Variants in SLC35F3 observed in about 807,000 individuals in gnomAD.
SLC35F3 encodes the protein putative thiamine transporter SLC35F3.
A neutral mutation model predicts 49.9 loss-of-function variants in SLC35F3; 25 were observed. The observed-to-expected ratio is 0.50, with a 90% CI of 0.37 to 0.70. The LOEUF is 0.70. Among genes scored for constraint, SLC35F3 ranks in the 30% least tolerant of loss-of-function variants. The pLI is 0.00. For synonymous variants in SLC35F3, 275 were observed against 265.4 expected, an observed-to-expected ratio of 1.04 and a Z score of -0.35; for missense variants, 525 against 639.8, an observed-to-expected ratio of 0.82 and a Z score of 1.94.
chr1:234,298,998 G>A (rs1156262090), intron 3 of SLC35F3, among the ~76,000 whole-genome samples: 1 of 152,152 alleles, frequency 6.6e-6, no homozygotes, highest in East Asian at 1.9e-4. Context: ...GTGTGTCATA[G>A]AAGCCAAACA....
intron 2 of SLC35F3, among the ~76,000 whole-genome samples, chr1:234,119,060 C>G (rs1404210355): frequency 1.3e-5 from 2 of 152,054 alleles, no homozygotes; most frequent in African/African-American, 4.8e-5. Flanking sequence ...AGTTTCTGCT[C>G]AGACAAGGCA....
At chr1:234,262,075 C>A (rs1272061470) in intron 3 of SLC35F3, among the ~76,000 whole-genome samples, 2 of 152,176 alleles carry the variant, frequency 1.3e-5, no homozygotes, top group Non-Finnish European at 2.9e-5. Flanking sequence ...TGAGCACTTA[C>A]AATGTGCCAT....
At chr1:233,928,445 T>G (rs940341094) in intron 2 of SLC35F3, among the ~76,000 whole-genome samples, 6 of 152,180 alleles carry the variant, frequency 3.9e-5, no homozygotes, top group Non-Finnish European at 5.9e-5. Context: ...GTGATTAAGA[T>G]GATGGACTTA....
chr1:234,056,316 CA>C (rs1311888191), intron 2 of SLC35F3, among the ~76,000 whole-genome samples: 1 of 151,956 alleles, frequency 6.6e-6, no homozygotes, highest in Non-Finnish European at 1.5e-5. Flanking sequence ...ACAGTGACAT[CA>C]ATTTATTTTT....
At chr1:234,043,462 A>G (rs1664251191) in intron 2 of SLC35F3, among the ~76,000 whole-genome samples, 2 of 152,208 alleles carry the variant, frequency 1.3e-5, no homozygotes, top group South Asian at 2.1e-4. Context: ...GTTAAAGAAG[A>G]GTAGCATTGT....
chr1:234,191,794 CA>C (rs1666734111), intron 2 of SLC35F3, among the ~76,000 whole-genome samples: 1 of 151,992 alleles, frequency 6.6e-6, no homozygotes, highest in African/African-American at 2.4e-5. Context: ...CACAGAAATA[CA>C]AAAGATCATT....
chr1:234,143,766 G>C (rs1029049214), intron 2 of SLC35F3, among the ~76,000 whole-genome samples: 4 of 152,162 alleles, frequency 2.6e-5, no homozygotes, highest in Non-Finnish European at 5.9e-5. Flanking sequence ...ATCATGTATT[G>C]ATAAACATTT....
intron 2 of SLC35F3, among the ~76,000 whole-genome samples, chr1:234,118,761 C>T (rs1272587249): frequency 1.3e-5 from 2 of 152,100 alleles, no homozygotes; most frequent in Non-Finnish European, 2.9e-5. Context: ...CAAGGTCACA[C>T]GCTGATATTC....
intron 2 of SLC35F3, among the ~76,000 whole-genome samples, chr1:234,049,083 T>G (rs1378578323): frequency 6.6e-6 from 1 of 152,178 alleles, no homozygotes; most frequent in Non-Finnish European, 1.5e-5. Context: ...GGCTTTAGAC[T>G]TTAGAGTTGA....
At chr1:234,045,197 C>T (rs959701348) in intron 2 of SLC35F3, among the ~76,000 whole-genome samples, 7 of 152,112 alleles carry the variant, frequency 4.6e-5, no homozygotes, top group African/African-American at 1.7e-4. Context: ...AACCCATGTA[C>T]TAAAAGGTGT....
At chr1:234,197,552 G>T (rs539155129) in intron 2 of SLC35F3, among the ~76,000 whole-genome samples, 2 of 152,168 alleles carry the variant, frequency 1.3e-5, no homozygotes, top group Admixed American at 6.6e-5. Flanking sequence ...AATGACTAAC[G>T]GGAGGATGAA....
rs565352196 is a variant in SLC35F3, at chr1:233,919,344, C to T, written c.283+13586C>T. The stretch of plus-strand genomic sequence containing the variant: ...AGAACTGTGCCTAGGACAGAGTCCA[C>T]CTTGGTTGCAACCCCCCAACCTCTG... On this transcript the variant is annotated intron_variant, in intron 2 of 7. Coordinates refer to ENST00000366618, the MANE Select transcript of SLC35F3 (RefSeq NM_173508.4). Among the ~76,000 whole-genome samples, 6 of 152,302 alleles carry T rather than the reference C, an allele frequency of 3.9e-5. 1 individual carries two copies. In the South Asian group the frequency reaches 1.2e-3, roughly 32 times the overall value.
At chr1:233,992,934 GCTCCCAAAAATCAT>G (rs1418518441) in intron 2 of SLC35F3, among the ~76,000 whole-genome samples, 1 of 152,186 alleles carries the variant, frequency 6.6e-6, no homozygotes, top group African/African-American at 2.4e-5. Context: ...CCCTGTGGCA[GCTCCCAAAAATCAT>G]CTCCCACAAA....
At chr1:234,309,741 T>C (rs1657301725) in intron 4 of SLC35F3, among the ~76,000 whole-genome samples, 1 of 152,210 alleles carries the variant, frequency 6.6e-6, no homozygotes, top group African/African-American at 2.4e-5. Context: ...GGTGAGGATG[T>C]GCGTGAAACC....
chr1:234,025,993 T>C (rs945639453), intron 2 of SLC35F3, among the ~76,000 whole-genome samples: 5 of 152,188 alleles, frequency 3.3e-5, no homozygotes, highest in Non-Finnish European at 5.9e-5. Flanking sequence ...TGAAAGGTAG[T>C]GGTCCACTTT....
chr1:234,115,075 G>T (rs1413285789), intron 2 of SLC35F3, among the ~76,000 whole-genome samples: 1 of 152,178 alleles, frequency 6.6e-6, no homozygotes, highest in Non-Finnish European at 1.5e-5. Context: ...TTGGGTTTCT[G>T]TTCCTCCAAG....
chr1:234,034,169 T>C (rs965040961), intron 2 of SLC35F3, among the ~76,000 whole-genome samples: 4 of 152,250 alleles, frequency 2.6e-5, no homozygotes, highest in Non-Finnish European at 5.9e-5. Flanking sequence ...TCGCTGTTGA[T>C]GTTTAGCAGT....
intron 2 of SLC35F3, among the ~76,000 whole-genome samples, chr1:234,076,500 C>T (rs967645877): frequency 6.0e-5 from 9 of 150,650 alleles, no homozygotes; most frequent in African/African-American, 1.2e-4. Context: ...CTCACTCTGT[C>T]GCCCAGGCTG....
rs569789779 is a variant in SLC35F3 at position 234,033,036 on chromosome 1, T to A, written c.283+127278T>A. Among the ~76,000 whole-genome samples the A allele has an allele frequency of 7.6e-4, 115 of 152,212 alleles. 1 individual carries two copies. The highest frequency in any genetic ancestry group is 2.3e-3 in the African/African-American group (95 of 41,548). ...ATTCATGCCAATATCTTTTTTTTTT[T>A]AATTATGGCCATTCTTGCAGGAGTA... On this transcript the variant is annotated intron_variant, in intron 2 of 7. Coordinates refer to ENST00000366618, the MANE Select transcript of SLC35F3 (RefSeq NM_173508.4).
Sources: allele counts gnomAD v4.1 joint callset (sites outside exome capture counted in the v4.1 genomes callset), GRCh38; gene constraint gnomAD v4.1.1; transcripts MANE v1.5; gene names NCBI Gene and HGNC (gene_info 2026-07-23, HGNC 2026-07-21).